The following RALGDS variants were observed in gnomAD, a reference collection of about 807,000 sequenced individuals.
The protein encoded by RALGDS is ral guanine nucleotide dissociation stimulator.
RALGDS carries 44 observed loss-of-function variants against 99.8 expected under a neutral mutation model. The observed-to-expected ratio is 0.44, with a 90% CI of 0.35 to 0.57. The LOEUF (loss-of-function observed/expected upper bound fraction) is 0.57, where lower values mean the gene tolerates loss of function less well. Among genes scored for constraint, RALGDS ranks in the 20% least tolerant of loss-of-function variants. The probability of loss-of-function intolerance (pLI) is 0.01; values close to 1 mark genes in which losing one functional copy is unlikely to be tolerated. For missense variants in RALGDS, 1,022 were observed against 1,203.1 expected (o/e 0.85, Z 2.23); for synonymous variants, 529 against 505.0 (o/e 1.05, Z -0.64).
Position 133,102,560 on chromosome 9 carries a change from G to C in RALGDS, c.1925C>G (p.Ser642Trp). ...RLSETESYNL[S>W]CELEPPSESA... Reference sequence around the variant, plus strand: ...CTCGGATGGGGGCTCCAGCTCGCACGACAGGTTGTAGCTATGAGCAGAGGG... The same window carrying C: ...CTCGGATGGGGGCTCCAGCTCGCACCACAGGTTGTAGCTATGAGCAGAGGG... The change falls in exon 14 of 18, where the codon TCG becomes TGG. Residue 642 changes from serine to tryptophan, a missense_variant. By Grantham distance (177) the Ser-to-Trp change is radical. Around this residue, in one of 3 missense-constraint regions of RALGDS, gnomAD observed 825 missense variants for 994.5 expected, o/e 0.83. Transcript: ENST00000372050. 1.9e-6 allele frequency: 3 copies of C among 1,613,998 alleles called. No homozygotes were observed. Among genetic ancestry groups the C allele is most frequent in the Non-Finnish European group, 2.5e-6 (3 of 1,179,994 alleles).
chr9:133,118,112 C>T (rs576796301), intron 1 of RALGDS, among the ~76,000 whole-genome samples: 3 of 152,298 alleles, frequency 2.0e-5, no homozygotes, highest in African/African-American at 7.2e-5. Flanking sequence ...GGGACCCTCC[C>T]GAGTAGAGCA....
intron 1 of RALGDS, 89 bp downstream of exon 1, chr9:133,120,883 C>G: frequency 7.5e-7 from 1 of 1,327,104 alleles, no homozygotes; most frequent in South Asian, 1.7e-5. Flanking sequence ...TCGCCCGGCC[C>G]CGTCCGGGGC....
At chr9:133,141,837 CAT>C (rs1030875404) in intron 1 of RALGDS, among the ~76,000 whole-genome samples, 5 of 152,256 alleles carry the variant, frequency 3.3e-5, no homozygotes, top group African/African-American at 1.2e-4. Context: ...ACTAAGGTCA[CAT>C]AGTCAGTCGG....
At position 133,108,858 on chromosome 9, in the gene RALGDS, G is replaced by C; in HGVS notation, c.593C>G (p.Ser198Cys). Residue 198 changes from serine to cysteine, a missense_variant, in exon 5 of 18, where the codon TCC becomes TGC. By Grantham distance (112) the Ser-to-Cys change is moderately radical. This residue lies in a region of RALGDS where 825 missense variants were observed against 994.5 expected (regional missense o/e 0.83). Coordinates refer to ENST00000372050, the MANE Select transcript of RALGDS (RefSeq NM_006266.4). ...GPQDQLKNAI[S>C]SILGTWLDQY... ...GTCCAGCCAGGTGCCCAGGATGGAG[G>C]AGATGGCACTGGGGACAGGTGGGTG... 1 of 1,612,098 alleles carries C rather than the reference G, an allele frequency of 6.2e-7. No individual in the cohort carries two copies. Among genetic ancestry groups the C allele is most frequent in the Non-Finnish European group, 8.5e-7 (1 of 1,179,360 alleles).
At chr9:133,100,953 C>A (rs904009805) in intron 16 of RALGDS, 1 of 1,046,328 alleles carries the variant, frequency 9.6e-7, no homozygotes, top group Non-Finnish European at 1.2e-6. Context: ...GGCTGGGGTA[C>A]AGAGGGTGGG....
chr9:133,126,937 C>T (rs1832181088), intron 1 of RALGDS, among the ~76,000 whole-genome samples: 1 of 152,246 alleles, frequency 6.6e-6, no homozygotes, highest in Non-Finnish European at 1.5e-5. Flanking sequence ...TACCCAGACA[C>T]CGCGGCCAGT....
intron 1 of RALGDS, among the ~76,000 whole-genome samples, chr9:133,145,872 G>A (rs1286519406): frequency 6.6e-6 from 1 of 152,188 alleles, no homozygotes. Context: ...CTTAGAGATG[G>A]AAGGATTAGG....
At chr9:133,101,069 C>G in intron 16 of RALGDS, 1 of 1,104,404 alleles carries the variant, frequency 9.1e-7, no homozygotes, top group Non-Finnish European at 1.1e-6. Context: ...CAAATCCTGT[C>G]TAGACTCTGA....
intron 1 of RALGDS, among the ~76,000 whole-genome samples, chr9:133,129,562 C>T (rs993989864): frequency 3.9e-5 from 6 of 152,226 alleles, no homozygotes; most frequent in Non-Finnish European, 7.3e-5. Context: ...CTTAATTCTC[C>T]AAGTCCCCAC....
chr9:133,125,242 G>A (rs1832111582), upstream of RALGDS, among the ~76,000 whole-genome samples: 1 of 152,198 alleles, frequency 6.6e-6, no homozygotes. Context: ...GCCGTCACTA[G>A]TAGAGTTACA....
At chr9:133,134,087 C>T (rs1211378487), upstream of RALGDS, among the ~76,000 whole-genome samples, 2 of 152,216 alleles carry the variant, frequency 1.3e-5, no homozygotes, top group Non-Finnish European at 2.9e-5. Context: ...CAGCTCCCCT[C>T]CCCCTGGCTT....
intron 1 of RALGDS, among the ~76,000 whole-genome samples, chr9:133,138,423 C>T (rs977641573): frequency 6.6e-6 from 1 of 152,220 alleles, no homozygotes; most frequent in Non-Finnish European, 1.5e-5. Context: ...TGACAAAGGA[C>T]AGCAAGGTAC....
At chr9:133,120,760 A>T (rs1031079443) in intron 1 of RALGDS, among the ~76,000 whole-genome samples, 2 of 151,852 alleles carry the variant, frequency 1.3e-5, no homozygotes, top group Non-Finnish European at 2.9e-5. Flanking sequence ...CGTGGTCCCT[A>T]CTGTTGGACG....
At chr9:133,138,019 C>T (rs1832454432) in intron 1 of RALGDS, among the ~76,000 whole-genome samples, 2 of 152,198 alleles carry the variant, frequency 1.3e-5, no homozygotes, top group South Asian at 2.1e-4. Context: ...GGCTGCCTGC[C>T]GTGCCAGGGA....
In RALGDS at chr9:133,109,615, A is replaced by G. The variant is rs990095227; in HGVS notation, c.584+11T>C. ...ACAGGGTCCCTTCCTCTTGGCTCAA[A>G]GCTCACTCACTTTTTAAGTTGGTCC... is the stretch of plus-strand genomic sequence containing the variant. On this transcript the variant is annotated intron_variant, in intron 4 of 17. Transcript: ENST00000372050. 33 of 1,606,214 alleles carry G rather than the reference A, an allele frequency of 2.1e-5. No individual in the cohort carries two copies. The highest frequency in any genetic ancestry group is 2.5e-5 in the Non-Finnish European group (29 of 1,173,146).
intron 1 of RALGDS, among the ~76,000 whole-genome samples, chr9:133,147,327 G>A (rs536427740): frequency 1.4e-4 from 21 of 152,182 alleles, no homozygotes; most frequent in Non-Finnish European, 2.9e-4. Context: ...TGGCAGCCCC[G>A]GCATTATTTT....
intron 4 of RALGDS, 120 bp downstream of exon 4, chr9:133,109,506 A>G: frequency 2.2e-6 from 2 of 920,864 alleles, no homozygotes; most frequent in South Asian, 1.3e-5. Flanking sequence ...AGCAGGAACC[A>G]CAAGAGGTGT....
rs558799583 is a variant in RALGDS at position 133,101,544 on chromosome 9, A to G, written c.2430T>C (p.Asn810=). 6 of 1,612,362 alleles carry G rather than the reference A, an allele frequency of 3.7e-6. No individual in the cohort carries two copies. The Admixed American group carries it at 1.0e-4, about 27-fold the overall frequency. ...CIIRVSLDVD[N]GNMYKSILVT... Reference sequence around the variant, plus strand: ...CCAGGATGCTCTTGTACATGTTGCCATTGTCCACGTCCAGGCTGACGCGGA... The same window carrying G: ...CCAGGATGCTCTTGTACATGTTGCCGTTGTCCACGTCCAGGCTGACGCGGA... Residue 810 remains asparagine, a synonymous_variant, in exon 16 of 18, where the codon AAT becomes AAC. Transcript: ENST00000372050.
chr9:133,101,902 TG>T (rs1830775800), intron 15 of RALGDS, 35 bp downstream of exon 15: 1 of 1,550,772 alleles, frequency 6.4e-7, no homozygotes, highest in Non-Finnish European at 8.7e-7. Flanking sequence ...AGTGGGGAGA[TG>T]GGAAAGGATA....
Sources: allele counts gnomAD v4.1 joint callset (sites outside exome capture counted in the v4.1 genomes callset), GRCh38; gene constraint gnomAD v4.1.1; regional missense constraint gnomAD v4.1.1; transcripts MANE v1.5; gene names NCBI Gene and HGNC (gene_info 2026-07-23, HGNC 2026-07-21).